PAQR5: variants seen among roughly 807,000 people sequenced by gnomAD.
The protein encoded by PAQR5 is progestin and adipoQ receptor family member 5.
A neutral mutation model predicts 34.5 loss-of-function variants in PAQR5; 20 were observed. That is an observed-to-expected ratio of 0.58 (90% CI 0.41 to 0.84). The LOEUF is 0.84. PAQR5 is among the 40% of genes least tolerant of loss of function. The probability of loss-of-function intolerance (pLI) is 0.00; values close to 1 mark genes in which losing one functional copy is unlikely to be tolerated. For synonymous variants in PAQR5, 131 were observed against 155.6 expected (o/e 0.84, Z 1.18); for missense variants, 378 against 412.7 (o/e 0.92, Z 0.73).
intron 3 of PAQR5, among the ~76,000 whole-genome samples, chr15:69,378,377 C>T (rs117674124): frequency 0.02 from 2,485 of 127,062 alleles, 62 homozygotes; most frequent in East Asian, 0.12. Context: ...TTTGAGGCTG[C>T]AGTAAGCCAT....
intron 3 of PAQR5, among the ~76,000 whole-genome samples, chr15:69,376,168 G>T (rs1015025512): frequency 1.3e-5 from 2 of 152,156 alleles, no homozygotes; most frequent in African/African-American, 4.8e-5. Context: ...GCAACTAGGG[G>T]TGCAAGGTGG....
chr15:69,343,384 C>A (rs573308852), intron 2 of PAQR5, among the ~76,000 whole-genome samples: 1 of 152,056 alleles, frequency 6.6e-6, no homozygotes, highest in Non-Finnish European at 1.5e-5. Flanking sequence ...TATTTGGGAT[C>A]CTTTCAGAAG....
intron 3 of PAQR5, among the ~76,000 whole-genome samples, chr15:69,370,491 C>A (rs2055530643): frequency 6.6e-6 from 1 of 152,134 alleles, no homozygotes; most frequent in Admixed American, 6.5e-5. Flanking sequence ...TCTACCTTAA[C>A]AAATCCCCCT....
intron 6 of PAQR5, among the ~76,000 whole-genome samples, chr15:69,393,696 G>A (rs919968826): frequency 3.9e-5 from 6 of 152,112 alleles, no homozygotes; most frequent in African/African-American, 1.4e-4. Context: ...CCTCCTGGGG[G>A]AGACCAGGAA....
intron 6 of PAQR5, among the ~76,000 whole-genome samples, chr15:69,395,712 C>T (rs961931309): frequency 2.0e-5 from 3 of 152,088 alleles, no homozygotes; most frequent in Non-Finnish European, 2.9e-5. Context: ...CAGTGTGTCC[C>T]AATCAAGCTC....
intron 1 of PAQR5, among the ~76,000 whole-genome samples, chr15:69,305,660 G>A (rs2053699360): frequency 1.3e-5 from 2 of 151,950 alleles, no homozygotes; most frequent in African/African-American, 2.4e-5. Context: ...CCCCTCTCAC[G>A]CTGCCCTGGG....
chr15:69,391,405 G>A (rs1482311729), intron 6 of PAQR5: 5 of 188,684 alleles, frequency 2.6e-5, no homozygotes, highest in South Asian at 8.1e-5. Flanking sequence ...ATTCACCTGC[G>A]CTAAGGTGGG....
intron 6 of PAQR5, among the ~76,000 whole-genome samples, chr15:69,393,694 G>A (rs1453102562): frequency 2.0e-5 from 3 of 152,162 alleles, no homozygotes; most frequent in Non-Finnish European, 4.4e-5. Context: ...GACCTCCTGG[G>A]GGAGACCAGG....
At chr15:69,357,177 G>T (rs978865313) in intron 2 of PAQR5, among the ~76,000 whole-genome samples, 2 of 152,100 alleles carry the variant, frequency 1.3e-5, no homozygotes, top group Non-Finnish European at 2.9e-5. Flanking sequence ...GCAGAACCCA[G>T]TACCATGTTT....
chr15:69,397,571 A>G lies in PAQR5; in HGVS notation c.609+7A>G. 1 of 1,563,482 alleles carries G rather than the reference A, an allele frequency of 6.4e-7. No homozygotes were observed. ...CCTCCCCATCTTCTACAGGGTAAGG[A>G]CTGGCTGCATCTCCTCTCTGCCTGT... On this transcript the variant is annotated splice_region_variant and intron_variant, in intron 7 of 8. Transcript: ENST00000395407.
chr15:69,368,448 T>C (rs1422870434), intron 3 of PAQR5, among the ~76,000 whole-genome samples: 2 of 152,262 alleles, frequency 1.3e-5, no homozygotes, highest in Non-Finnish European at 2.9e-5. Flanking sequence ...GGAAAGCACA[T>C]GTAATATTTG....
At chr15:69,379,840 C>T (rs763627809) in intron 3 of PAQR5, 43 bp from the exon 4 acceptor site, 1 of 1,600,578 alleles carries the variant, frequency 6.2e-7, no homozygotes, top group Non-Finnish European at 8.5e-7. Context: ...CTTCGTGCCA[C>T]CCTCTGGTCT....
chr15:69,400,056 CTT>C lies in PAQR5; in HGVS notation c.694_695del (p.Phe232LeufsTer16). 6.2e-7 allele frequency: 1 copy of C among 1,614,236 alleles called. No individual in the cohort carries two copies. Among genetic ancestry groups the C allele is most frequent in the Non-Finnish European group, 8.5e-7 (1 of 1,180,042 alleles). ...CACATGATCATGACCCTCCTGGCCT[CTT>C]TCTTGTACTCTGCACATCTGCCAGA... On this transcript the variant is annotated frameshift_variant, in exon 8 of 9. Transcript: ENST00000395407. LOFTEE classifies it high-confidence loss of function.
At chr15:69,348,516 G>C (rs933533580) in intron 2 of PAQR5, among the ~76,000 whole-genome samples, 44 of 152,200 alleles carry the variant, frequency 2.9e-4, no homozygotes, top group African/African-American at 1.0e-3. Context: ...GAGGTGACCA[G>C]CATAGGTTTG....
chr15:69,331,260 G>A (rs1166537173), intron 1 of PAQR5, among the ~76,000 whole-genome samples: 1 of 152,134 alleles, frequency 6.6e-6, no homozygotes, highest in Non-Finnish European at 1.5e-5. Flanking sequence ...CCACCATGGG[G>A]TGTCTTGTGT....
At position 69,308,852 on chromosome 15, in the gene PAQR5, G is replaced by A. The variant is rs149274543; in HGVS notation, c.-277+9796G>A. Among the ~76,000 whole-genome samples the A allele has an allele frequency of 3.7e-3, 564 of 152,072 alleles. 10 individuals carry two copies. Among genetic ancestry groups the A allele is most frequent in the African/African-American group, 0.013 (525 of 41,488 alleles). ...CTTCCTCACTGAATGAATGGGGAAG[G>A]CTTTGATTAGGCAAGCAGTGGTGAA... On this transcript the variant is annotated intron_variant, in intron 1 of 8. Coordinates refer to ENST00000395407, the MANE Select transcript of PAQR5 (RefSeq NM_017705.4).
chr15:69,402,640 C>A (rs1388983005), intron 8 of PAQR5, among the ~76,000 whole-genome samples: 1 of 152,162 alleles, frequency 6.6e-6, no homozygotes, highest in East Asian at 1.9e-4. Context: ...TATAAGGACA[C>A]CAGTCATAGT....
At chr15:69,372,072 C>T (rs1002521943) in intron 3 of PAQR5, among the ~76,000 whole-genome samples, 4 of 152,186 alleles carry the variant, frequency 2.6e-5, no homozygotes, top group African/African-American at 9.7e-5. Context: ...CAGAGAATGT[C>T]ATACATAATC....
chr15:69,381,501 C>A (rs145502798), intron 4 of PAQR5, among the ~76,000 whole-genome samples: 401 of 152,296 alleles, frequency 2.6e-3, no homozygotes, highest in Non-Finnish European at 4.1e-3. Flanking sequence ...AGGGTACCAG[C>A]CTGTCCATCC....
Sources: gnomAD v4.1 joint callset for allele counts (sites outside exome capture counted in the v4.1 genomes callset) on GRCh38, gnomAD v4.1.1 for gene constraint, MANE v1.5 for transcripts, NCBI Gene and HGNC (gene_info 2026-07-23, HGNC 2026-07-21) for gene names.